Variants in CDH23 observed in about 807,000 individuals in gnomAD.
CDH23 encodes the protein cadherin related 23.
CDH23 carries 189 observed loss-of-function variants against 317.1 expected under a neutral mutation model. The observed-to-expected ratio is 0.60, with a 90% CI of 0.53 to 0.67. The LOEUF is 0.67. Ranked by LOEUF, CDH23 falls within the 30% of genes least tolerant of loss-of-function variation. CDH23 has a pLI of 0.00. For synonymous variants in CDH23, 1,839 were observed against 1,876.8 expected (o/e 0.98, Z 0.52); for missense variants, 4,401 against 4,592.4 (o/e 0.96, Z 1.20).
chr10:71,785,654 G>A lies in CDH23; in HGVS notation c.5736G>A (p.Arg1912=), dbSNP rs1391227906. 6.2e-7 allele frequency: 1 copy of A among 1,604,522 alleles called. No homozygotes were observed. ...AGACAGGGATCGTCACTGTGAACCG[G>A]CCCCTGGACCGCGAGCGGATCCCAG... ...NATTGIVTVN[R]PLDRERIPEY... is the part of the protein sequence containing the mutation. The change falls in exon 44 of 70, where the codon CGG becomes CGA. Residue 1912 remains arginine (R), a synonymous_variant. Coordinates refer to ENST00000224721, the MANE Select transcript of CDH23 (RefSeq NM_022124.6).
At chr10:71,649,542 G>T (rs933353414) in intron 14 of CDH23, among the ~76,000 whole-genome samples, 1 of 152,072 alleles carries the variant, frequency 6.6e-6, no homozygotes, top group Non-Finnish European at 1.5e-5. Context: ...TCCTAGCAGG[G>T]GTGGAAGGGC....
intron 6 of CDH23, among the ~76,000 whole-genome samples, chr10:71,530,485 T>A (rs1182322812): frequency 1.3e-5 from 2 of 152,250 alleles, no homozygotes; most frequent in Non-Finnish European, 2.9e-5. Context: ...TGTGTTGCTC[T>A]GCCAAGGACC....
chr10:71,751,297 G>T lies in CDH23; in HGVS notation c.4845+9376G>T. ...GGAGAGTCAGGGACAGGGTCTGCAA[G>T]AAAAGGAGAAGCAAAGTGAACGGGG... On this transcript the variant is annotated intron_variant, in intron 38 of 69. Coordinates refer to ENST00000224721, the MANE Select transcript of CDH23 (RefSeq NM_022124.6). This position sits in a 1 kb window ranked among gnomAD's most constrained non-coding sequence, Gnocchi z 4.9. The T allele has an allele frequency of 6.2e-7, 1 of 1,609,870 alleles. No homozygotes were observed.
At chr10:71,490,073 T>C (rs1024316102) in intron 3 of CDH23, among the ~76,000 whole-genome samples, 6 of 152,142 alleles carry the variant, frequency 3.9e-5, no homozygotes, top group Non-Finnish European at 5.9e-5. Context: ...AGATTCTGCC[T>C]TAGGCCTTTT....
intron 1 of CDH23, among the ~76,000 whole-genome samples, chr10:71,410,987 G>C (rs12253320): frequency 6.6e-6 from 1 of 152,184 alleles, no homozygotes; most frequent in East Asian, 1.9e-4. Context: ...AATTCTATAA[G>C]TATTTGACTA....
chr10:71,682,267 A>C (rs1047498240), intron 17 of CDH23, among the ~76,000 whole-genome samples, 178 bp from the exon 18 acceptor site: 12 of 152,234 alleles, frequency 7.9e-5, no homozygotes, highest in Non-Finnish European at 1.2e-4. Context: ...AGGGTCTGGC[A>C]CATTTCAGGC....
intron 50 of CDH23, among the ~76,000 whole-genome samples, 199 bp downstream of exon 50, chr10:71,798,777 C>G (rs1427154029): frequency 1.3e-5 from 2 of 152,156 alleles, no homozygotes; most frequent in Non-Finnish European, 2.9e-5. Context: ...ATGGAAGCCT[C>G]TTGATGTCTG....
At chr10:71,541,255 CT>C (rs1365357899) in intron 6 of CDH23, among the ~76,000 whole-genome samples, 1 of 152,226 alleles carries the variant, frequency 6.6e-6, no homozygotes, top group African/African-American at 2.4e-5. Flanking sequence ...GGATAAATAG[CT>C]GTGCTGTCAT....
chr10:71,403,454 T>TTTCCTTCCTTCC (rs1158827093), intron 1 of CDH23, among the ~76,000 whole-genome samples: 11 of 35,256 alleles, frequency 3.1e-4, no homozygotes, highest in East Asian at 1.8e-3. Flanking sequence ...CCTTCCTTCC[T>TTTCCTTCCTTCC]TTCCTTCCTT....
intron 3 of CDH23, among the ~76,000 whole-genome samples, chr10:71,448,760 C>T (rs1850292698): frequency 1.3e-5 from 2 of 152,164 alleles, no homozygotes; most frequent in African/African-American, 4.8e-5. Context: ...TCTAGGTTCT[C>T]AGAGGAGACC....
chr10:71,697,500 C>A (rs1459339671), intron 22 of CDH23, among the ~76,000 whole-genome samples: 1 of 152,144 alleles, frequency 6.6e-6, no homozygotes, highest in Non-Finnish European at 1.5e-5. Flanking sequence ...AAGATCCCCA[C>A]CCCCTTTATA....
chr10:71,647,689 A>G (rs1018680349), intron 14 of CDH23: 21 of 152,286 alleles, frequency 1.4e-4, no homozygotes, highest in Admixed American at 7.8e-4. Flanking sequence ...TCCTGGAACC[A>G]ATTGTGATTC....
intron 20 of CDH23, among the ~76,000 whole-genome samples, chr10:71,692,517 A>T (rs114815297): frequency 6.6e-6 from 1 of 152,270 alleles, no homozygotes; most frequent in African/African-American, 2.4e-5. Context: ...CTTTTTAGAG[A>T]TTAATTTCTT....
chr10:71,444,474 G>A (rs1850061475), intron 2 of CDH23, among the ~76,000 whole-genome samples: 1 of 152,212 alleles, frequency 6.6e-6, no homozygotes, highest in Non-Finnish European at 1.5e-5. Flanking sequence ...GAGTATTTGG[G>A]GTGGTCAGGG....
chr10:71,587,470 C>T (rs1166902873), intron 9 of CDH23, among the ~76,000 whole-genome samples: 1 of 152,198 alleles, frequency 6.6e-6, no homozygotes, highest in East Asian at 1.9e-4. Context: ...TCGTAGAGTT[C>T]ACATGTTAGT....
chr10:71,704,934 G>A lies in CDH23; in HGVS notation c.2757G>A (p.Glu919=). 1 of 1,612,882 alleles carries A rather than the reference G, an allele frequency of 6.2e-7. No individual in the cohort carries two copies. The highest frequency in any genetic ancestry group is 1.1e-5 in the South Asian group (1 of 91,084). ...IYQVVAIDLD[E]GLNGLVSYRM... ...AGGTGGTGGCCATCGACCTCGATGA[G>A]GGCCTGAACGGCCTGGTGTCCTACC... Residue 919 remains glutamate (E), a synonymous_variant, in exon 25 of 70, where the codon GAG becomes GAA. Coordinates refer to ENST00000224721, the MANE Select transcript of CDH23 (RefSeq NM_022124.6).
chr10:71,759,869 A>G, intron 38 of CDH23, among the ~76,000 whole-genome samples: 3 of 99,398 alleles, frequency 3.0e-5, no homozygotes, highest in African/African-American at 9.8e-5. Flanking sequence ...ACACACATAT[A>G]TATACACACA....
chr10:71,556,991 A>G (rs900828742), intron 6 of CDH23, among the ~76,000 whole-genome samples: 1 of 152,156 alleles, frequency 6.6e-6, no homozygotes, highest in Non-Finnish European at 1.5e-5. Context: ...TACTCTTAAC[A>G]TATATACACC....
At chr10:71,596,424 T>TA (rs1801213031) in intron 9 of CDH23, among the ~76,000 whole-genome samples, 2 of 152,038 alleles carry the variant, frequency 1.3e-5, no homozygotes, top group South Asian at 4.1e-4. Context: ...CCCTCCTCAT[T>TA]GGATGGTCAT....
Sources: gnomAD v4.1 joint callset for allele counts (sites outside exome capture counted in the v4.1 genomes callset) on GRCh38, gnomAD v4.1.1 for gene constraint, Gnocchi (gnomAD v3.1) non-coding constraint, MANE v1.5 for transcripts, NCBI Gene and HGNC (gene_info 2026-07-23, HGNC 2026-07-21) for gene names.